Variants in MFSD6 observed in about 807,000 individuals in gnomAD.
MFSD6 encodes major facilitator superfamily domain containing 6, also known as major facilitator superfamily domain-containing protein 6.
A neutral mutation model predicts 56.3 loss-of-function variants in MFSD6; 26 were observed. The observed-to-expected ratio is 0.46, with a 90% CI of 0.34 to 0.64. The LOEUF is 0.64. Ranked by LOEUF, MFSD6 falls within the 30% of genes least tolerant of loss-of-function variation. MFSD6 has a pLI of 0.01. For missense variants in MFSD6, 750 were observed against 986.2 expected (o/e 0.76, Z 3.21); for synonymous variants, 331 against 366.9 (o/e 0.90, Z 1.12).
At position 190,477,565 on chromosome 2, in the gene MFSD6, G is replaced by T. The variant is rs539021507; in HGVS notation, c.1630+7710G>T. Reference sequence around the variant, plus strand: ...TTTATAAGAGGAAAAAACAAATGCTGTGTGAATTTAAAAATGCATTTTCCT... The same window carrying T: ...TTTATAAGAGGAAAAAACAAATGCTTTGTGAATTTAAAAATGCATTTTCCT... On this transcript the variant is annotated intron_variant, in intron 4 of 7. Transcript: ENST00000392328. Among the ~76,000 whole-genome samples the T allele has an allele frequency of 2.6e-5, 4 of 152,294 alleles. No individual in the cohort carries two copies. In the East Asian group the frequency reaches 7.7e-4, roughly 29 times the overall value.
intron 3 of MFSD6, among the ~76,000 whole-genome samples, chr2:190,446,252 AAAGAGTTTGAGATT>A (rs1414386003): frequency 6.6e-6 from 1 of 152,176 alleles, no homozygotes; most frequent in Non-Finnish European, 1.5e-5. Context: ...ACAAACTCTG[AAAGAGTTTGAGATT>A]ATAAGAGTAT....
intron 2 of MFSD6, among the ~76,000 whole-genome samples, chr2:190,420,448 G>T (rs936393118): frequency 6.6e-6 from 1 of 152,082 alleles, no homozygotes; most frequent in African/African-American, 2.4e-5. Flanking sequence ...TCCAAACGGG[G>T]CTACCTCCAA....
intron 4 of MFSD6, among the ~76,000 whole-genome samples, chr2:190,479,918 G>T (rs1172662571): frequency 6.6e-6 from 1 of 152,120 alleles, no homozygotes; most frequent in Admixed American, 6.5e-5. Flanking sequence ...GCGTTATTCT[G>T]TTTGTCTTAT....
In MFSD6 at chr2:190,418,624, G is replaced by A. The variant is rs941738879; in HGVS notation, c.-54+3211G>A. On this transcript the variant is annotated intron_variant, in intron 2 of 7. Coordinates refer to ENST00000392328, the MANE Select transcript of MFSD6 (RefSeq NM_017694.4). The surrounding 1 kb of genome is among the most constrained non-coding windows in gnomAD (Gnocchi z 4.1). The stretch of plus-strand genomic sequence containing the variant: ...CTGAAAAGAATAGCTGAAAGTGGTG[G>A]TGTGTGCCTGTAGTCCCAGCTACTT... Among the ~76,000 whole-genome samples the A allele has an allele frequency of 2.0e-5, 3 of 152,204 alleles. No individual in the cohort carries two copies. Among genetic ancestry groups the A allele is most frequent in the African/African-American group, 4.8e-5 (2 of 41,454 alleles).
rs374212096 is a variant in MFSD6 at position 190,477,101 on chromosome 2, GT to G, written c.1630+7248del. On this transcript the variant is annotated intron_variant, in intron 4 of 7. Coordinates refer to ENST00000392328, the MANE Select transcript of MFSD6 (RefSeq NM_017694.4). ...GATAGCATTAGGAGATATACCTAATGTTAAATGACGAGTTAATGGGTGCAGC... is the reference window on the plus strand; with the variant it reads ...GATAGCATTAGGAGATATACCTAATGTAAATGACGAGTTAATGGGTGCAGC... 9.8e-3 allele frequency: 1,894 copies of G among 192,354 alleles called. 22 individuals carry two copies. Among genetic ancestry groups the G allele is most frequent in the South Asian group, 0.059 (327 of 5,558 alleles). The allele number at this position is 192,354 out of a possible 1,614,324, so 11.9% of individuals were successfully genotyped here.
intron 4 of MFSD6, among the ~76,000 whole-genome samples, chr2:190,475,683 A>C (rs1165771243): frequency 6.6e-6 from 1 of 152,170 alleles, no homozygotes; most frequent in Non-Finnish European, 1.5e-5. Flanking sequence ...GCTACCAATG[A>C]CTTTCTTCAC....
chr2:190,433,257 T>C lies in MFSD6; in HGVS notation c.-53-2720T>C, dbSNP rs1031602525. 2 of 151,358 alleles carry C rather than the reference T, an allele frequency of 1.3e-5. No homozygotes were observed. The highest frequency in any genetic ancestry group is 3.0e-5 in the Non-Finnish European group (2 of 67,444). 9.4% of individuals were successfully genotyped at this position (151,358 alleles called of 1,614,324 possible). A position where few individuals can be genotyped will look rare whatever the true frequency, so the allele number is the denominator to read the frequency against. ...ATTTGAAACACAAGAAATGTTTCTT[T>C]GAATTTTGAGCTCAGGAATTAAATT... On this transcript the variant is annotated intron_variant, in intron 2 of 7. Transcript: ENST00000392328. The surrounding 1 kb of genome is among the most constrained non-coding windows in gnomAD (Gnocchi z 4.5).
chr2:190,451,415 C>T lies in MFSD6; in HGVS notation c.1532+13854C>T, dbSNP rs752363061. Among the ~76,000 whole-genome samples, 1 of 152,200 alleles carries T rather than the reference C, an allele frequency of 6.6e-6. No individual in the cohort carries two copies. Among genetic ancestry groups the T allele is most frequent in the Non-Finnish European group, 1.5e-5 (1 of 68,030 alleles). On this transcript the variant is annotated intron_variant, in intron 3 of 7. Transcript: ENST00000392328. This position sits in a 1 kb window ranked among gnomAD's most constrained non-coding sequence, Gnocchi z 5.0. ...ATTCCTCCAACAAGTATTTATTAAA[C>T]ACACTGGGTGACAGGCACTGTGCTA...
rs200652281 is a variant in MFSD6 at position 190,499,969 on chromosome 2, A to G, written c.2173-46A>G. 7.3e-5 allele frequency: 118 copies of G among 1,609,828 alleles called. No individual in the cohort carries two copies. The highest frequency in any genetic ancestry group is 9.6e-5 in the Non-Finnish European group (113 of 1,176,432). On this transcript the variant is annotated intron_variant, in intron 7 of 7. Coordinates refer to ENST00000392328, the MANE Select transcript of MFSD6 (RefSeq NM_017694.4). This position sits in a 1 kb window ranked among gnomAD's most constrained non-coding sequence, Gnocchi z 6.0. ...AAAGCATATATAAAAAGTTGGATTT[A>G]TTTGCTATCACTGATCATGGGGCAT... is the stretch of plus-strand genomic sequence containing the variant.
intron 2 of MFSD6, among the ~76,000 whole-genome samples, chr2:190,421,979 C>T (rs1409988114): frequency 6.6e-6 from 1 of 152,144 alleles, no homozygotes; most frequent in African/African-American, 2.4e-5. Context: ...GAAAGCCTAA[C>T]TTTCTCATTT....
At chr2:190,483,187 C>A (rs965349907) in intron 4 of MFSD6, among the ~76,000 whole-genome samples, 3 of 151,954 alleles carry the variant, frequency 2.0e-5, no homozygotes, top group Non-Finnish European at 4.4e-5. Flanking sequence ...CCACCGCGCC[C>A]GGCCGACTAT....
At chr2:190,420,122 T>C (rs1452775630) in intron 2 of MFSD6, among the ~76,000 whole-genome samples, 1 of 152,196 alleles carries the variant, frequency 6.6e-6, no homozygotes, top group African/African-American at 2.4e-5. Flanking sequence ...ACTGAATTGA[T>C]TCATGTTCAT....
In MFSD6 at chr2:190,436,161, A is replaced by G; in HGVS notation, c.132A>G (p.Thr44=). 1 of 1,614,224 alleles carries G rather than the reference A, an allele frequency of 6.2e-7. No individual in the cohort carries two copies. The highest frequency in any genetic ancestry group is 8.5e-7 in the Non-Finnish European group (1 of 1,180,008). The part of the protein sequence containing the change: ...EPPSNETPSS[T]ETSAIPEEEI... ...CTTCGAATGAAACACCTTCCTCCAC[A>G]GAAACATCTGCTATTCCTGAGGAGG... Residue 44 remains threonine, a synonymous_variant, in exon 3 of 8, where the codon ACA becomes ACG. Transcript: ENST00000392328. This position sits in a 1 kb window ranked among gnomAD's most constrained non-coding sequence, Gnocchi z 5.3.
At chr2:190,477,903 T>C (rs1381071185) in intron 4 of MFSD6, among the ~76,000 whole-genome samples, 1 of 152,122 alleles carries the variant, frequency 6.6e-6, no homozygotes, top group Non-Finnish European at 1.5e-5. Context: ...GAAGGGCGAA[T>C]AGGAATCTAC....
chr2:190,442,303 G>T (rs966142940), intron 3 of MFSD6, among the ~76,000 whole-genome samples: 5 of 152,138 alleles, frequency 3.3e-5, no homozygotes, highest in African/African-American at 4.8e-5. Context: ...AAGAGCCTCA[G>T]ATTAGTAAGA....
In MFSD6 at chr2:190,459,178, A is replaced by AGT. The variant is rs1687196025; in HGVS notation, c.1533-10578_1533-10577dup. Among the ~76,000 whole-genome samples the AGT allele has an allele frequency of 6.6e-6, 1 of 152,012 alleles. No individual in the cohort carries two copies. The highest frequency in any genetic ancestry group is 1.5e-5 in the Non-Finnish European group (1 of 68,006). ...GGCTCCTTTCTCTTTTGTTTTCGTCAGTGATCTCTTAAGATGTGATGCCCT... is the reference window on the plus strand; with the variant it reads ...GGCTCCTTTCTCTTTTGTTTTCGTCAGTGTGATCTCTTAAGATGTGATGCCCT... On this transcript the variant is annotated intron_variant, in intron 3 of 7. Coordinates refer to ENST00000392328, the MANE Select transcript of MFSD6 (RefSeq NM_017694.4). The surrounding 1 kb of genome is among the most constrained non-coding windows in gnomAD (Gnocchi z 5.3).
rs1686945976 is a variant in MFSD6, at chr2:190,454,978, GTATA to G, written c.1533-14778_1533-14775del. Among the ~76,000 whole-genome samples the G allele has an allele frequency of 1.1e-5, 1 of 92,024 alleles. No individual in the cohort carries two copies. The highest frequency in any genetic ancestry group is 3.0e-5 in the Non-Finnish European group (1 of 33,844). The allele number at this position is 92,024 out of a possible 152,430, so 60.4% of individuals were successfully genotyped here. The stretch of plus-strand genomic sequence containing the variant: ...TGTATATGTATATGTATATGTATAT[GTATA>G]TGTATATGTATATGTATAATGTATA... On this transcript the variant is annotated intron_variant, in intron 3 of 7. Transcript: ENST00000392328. The surrounding 1 kb of genome is among the most constrained non-coding windows in gnomAD (Gnocchi z 4.6).
chr2:190,435,663 G>A (rs1686153180), intron 2 of MFSD6, among the ~76,000 whole-genome samples: 1 of 152,152 alleles, frequency 6.6e-6, no homozygotes, highest in Admixed American at 6.5e-5. Context: ...AACTCTCTGT[G>A]TTTGGTTTAG....
intron 2 of MFSD6, among the ~76,000 whole-genome samples, chr2:190,419,533 A>G (rs1005220682): frequency 1.3e-5 from 2 of 152,218 alleles, no homozygotes; most frequent in Non-Finnish European, 2.9e-5. Flanking sequence ...TTTCCTCTCC[A>G]TCACTGATAA....
Sources: gnomAD v4.1 joint callset for allele counts (sites outside exome capture counted in the v4.1 genomes callset) on GRCh38, gnomAD v4.1.1 for gene constraint, Gnocchi (gnomAD v3.1) non-coding constraint, MANE v1.5 for transcripts, NCBI Gene and HGNC (gene_info 2026-07-23, HGNC 2026-07-21) for gene names.